NEK7: variants seen among roughly 807,000 people sequenced by gnomAD.
NEK7 encodes the protein serine/threonine-protein kinase Nek7.
NEK7 carries 18 observed loss-of-function variants against 44.6 expected under a neutral mutation model. That is an observed-to-expected ratio of 0.40 (90% CI 0.28 to 0.60). The LOEUF is 0.60. Ranked by LOEUF, NEK7 falls within the 20% of genes least tolerant of loss-of-function variation. The pLI, the probability that NEK7 is intolerant of heterozygous loss-of-function variation, is 0.38. For synonymous variants in NEK7, 130 were observed against 121.1 expected (o/e 1.07, Z -0.48); for missense variants, 256 against 366.5 (o/e 0.70, Z 2.46).
intron 1 of NEK7, among the ~76,000 whole-genome samples, chr1:198,217,195 A>C (rs764480850): frequency 1.3e-5 from 2 of 152,134 alleles, no homozygotes; most frequent in Non-Finnish European, 2.9e-5. Context: ...AGATGCAAAA[A>C]TCCTCAACAG....
In NEK7 at chr1:198,322,393, TATAAAA is replaced by T. The variant is rs1337219136; in HGVS notation, c.*2880_*2885del. The T allele has an allele frequency of 1.3e-5, 2 of 152,124 alleles. No individual in the cohort carries two copies. The highest frequency in any genetic ancestry group is 2.9e-5 in the Non-Finnish European group (2 of 67,996). 9.4% of individuals were successfully genotyped at this position (152,124 alleles called of 1,614,324 possible). A position where few individuals can be genotyped will look rare whatever the true frequency, so the allele number is the denominator to read the frequency against. On this transcript the variant is annotated 3_prime_UTR_variant, in exon 10 of 10. Transcript: ENST00000367385. ...TATAATATCCTAATATAAACAAAAATATAAAAATAAAAATGAATACAGTAAAATGTC... is the reference window on the plus strand; with the variant it reads ...TATAATATCCTAATATAAACAAAAATATAAAAATGAATACAGTAAAATGTC...
chr1:198,192,255 A>AT (rs932897382), intron 1 of NEK7, among the ~76,000 whole-genome samples: 1 of 147,492 alleles, frequency 6.8e-6, no homozygotes, highest in Non-Finnish European at 1.5e-5. Context: ...CTGCTCTGTA[A>AT]TTTTTTATTT....
At chr1:198,255,870 C>G (rs12071075) in intron 3 of NEK7, among the ~76,000 whole-genome samples, 3,639 of 152,174 alleles carry the variant, frequency 0.024, 154 homozygotes, top group African/African-American at 0.083. Flanking sequence ...GCATTTTAGA[C>G]ATATTGATTC....
At chr1:198,298,556 T>C (rs1488012298) in intron 9 of NEK7, among the ~76,000 whole-genome samples, 1 of 152,224 alleles carries the variant, frequency 6.6e-6, no homozygotes, top group Non-Finnish European at 1.5e-5. Context: ...TTAATTACTA[T>C]TTTGGGTATA....
intron 9 of NEK7, among the ~76,000 whole-genome samples, chr1:198,312,994 T>A (rs1655239220): frequency 6.6e-6 from 1 of 151,886 alleles, no homozygotes; most frequent in Non-Finnish European, 1.5e-5. Flanking sequence ...TGGGTATCCT[T>A]GTTGACTTTC....
In NEK7 at chr1:198,160,585, A is replaced by G. The variant is rs147598684; in HGVS notation, c.-29+3309A>G. On this transcript the variant is annotated intron_variant, in intron 1 of 9. Coordinates refer to ENST00000367385, the MANE Select transcript of NEK7 (RefSeq NM_133494.3). ...CATGTATGATTACTGTTTGCTCCGA[A>G]TTGTTTTATCAGCACTTCATCAGGA... Among the ~76,000 whole-genome samples the G allele has an allele frequency of 6.6e-3, 1,007 of 152,250 alleles. 18 individuals are homozygous for G. The highest frequency in any genetic ancestry group is 0.024 in the African/African-American group (979 of 41,522).
At chr1:198,204,436 A>G (rs1665528352) in intron 1 of NEK7, among the ~76,000 whole-genome samples, 3 of 152,214 alleles carry the variant, frequency 2.0e-5, no homozygotes, top group East Asian at 1.9e-4. Flanking sequence ...AATGAAACTC[A>G]GGGCCCGGCG....
chr1:198,262,639 T>G lies in NEK7; in HGVS notation c.261+2T>G. 1 of 1,557,428 alleles carries G rather than the reference T, an allele frequency of 6.4e-7. No homozygotes were observed. The highest frequency in any genetic ancestry group is 8.8e-7 in the Non-Finnish European group (1 of 1,135,806). On this transcript the variant is annotated splice_donor_variant, in intron 4 of 9. Coordinates refer to ENST00000367385, the MANE Select transcript of NEK7 (RefSeq NM_133494.3). LOFTEE classifies it high-confidence loss of function. The stretch of plus-strand genomic sequence containing the variant: ...ATCAAAGAAATAGATCTTCTTAAGG[T>G]AATTAATGAACTGTTGACTCTTTTG...
chr1:198,230,315 A>G (rs544786938), intron 1 of NEK7, among the ~76,000 whole-genome samples: 1 of 152,188 alleles, frequency 6.6e-6, no homozygotes, highest in African/African-American at 2.4e-5. Flanking sequence ...CCAATACTGC[A>G]TAAACATGAT....
At chr1:198,283,799 T>TA (rs370284976) in intron 7 of NEK7, among the ~76,000 whole-genome samples, 5 of 152,164 alleles carry the variant, frequency 3.3e-5, no homozygotes, top group African/African-American at 1.2e-4. Flanking sequence ...TACATTCTGA[T>TA]ATTGTCTGTT....
Position 198,253,093 on chromosome 1 carries a change from A to G in NEK7, c.111A>G (p.Glu37=), listed in dbSNP as rs566391009. Reference sequence around the variant, plus strand: ...ATACATTAGCCAACTTTCGAATAGAAAAGAAAATTGGTCGCGGACAATTTA... The same window carrying G: ...ATACATTAGCCAACTTTCGAATAGAGAAGAAAATTGGTCGCGGACAATTTA... The part of the protein sequence containing the change: ...GYNTLANFRI[E]KKIGRGQFSE... The change falls in exon 3 of 10, where the codon GAA becomes GAG. Residue 37 remains glutamate (E), a synonymous_variant. Coordinates refer to ENST00000367385, the MANE Select transcript of NEK7 (RefSeq NM_133494.3). 2 of 1,612,540 alleles carry G rather than the reference A, an allele frequency of 1.2e-6. No homozygotes were observed. The highest frequency in any genetic ancestry group is 1.1e-5 in the South Asian group (1 of 91,008).
chr1:198,178,066 C>G (rs987071814), intron 1 of NEK7, among the ~76,000 whole-genome samples: 3 of 151,992 alleles, frequency 2.0e-5, no homozygotes, highest in Non-Finnish European at 2.9e-5. Context: ...CTATGTGCTG[C>G]TTTCAAAAGA....
In NEK7 at chr1:198,274,061, C is replaced by T. The variant is rs190723920; in HGVS notation, c.373-3900C>T. On this transcript the variant is annotated intron_variant, in intron 5 of 9. Transcript: ENST00000367385. ...AGTGGCACATTTAAACATTTGACAA[C>T]ACTCCAAGCAGGAAATGCTTCCTTA... 3.6e-4 allele frequency among the ~76,000 whole-genome samples: 55 copies of T among 151,210 alleles called. 1 individual carries two copies. The highest frequency in any genetic ancestry group is 6.8e-3 in the Middle Eastern group (2 of 294).
chr1:198,293,123 T>C, intron 8 of NEK7, 84 bp downstream of exon 8: 1 of 686,686 alleles, frequency 1.5e-6, no homozygotes, highest in Admixed American at 2.7e-5. Flanking sequence ...ACTTACTTTT[T>C]TCTGGATGTT....
At chr1:198,169,017 T>C (rs1407925579) in intron 1 of NEK7, among the ~76,000 whole-genome samples, 2 of 152,236 alleles carry the variant, frequency 1.3e-5, no homozygotes, top group African/African-American at 2.4e-5. Context: ...GATTTCTCTG[T>C]ATTATAAAAT....
At chr1:198,223,520 G>A (rs934434423) in intron 1 of NEK7, among the ~76,000 whole-genome samples, 4 of 152,176 alleles carry the variant, frequency 2.6e-5, no homozygotes, top group African/African-American at 7.2e-5. Context: ...GCAAATCAAA[G>A]TTGTCTCAAG....
At chr1:198,266,122 A>G (rs1296357803) in intron 5 of NEK7, among the ~76,000 whole-genome samples, 1 of 152,084 alleles carries the variant, frequency 6.6e-6, no homozygotes, top group East Asian at 1.9e-4. Flanking sequence ...TCTCAGACAC[A>G]TCACGATTTA....
Position 198,277,512 on chromosome 1 carries a change from TATG to T in NEK7, c.373-446_373-444del, listed in dbSNP as rs532823207. Among the ~76,000 whole-genome samples the T allele has an allele frequency of 5.5e-4, 83 of 152,042 alleles. 2 individuals carry two copies. The East Asian group carries it at 0.014, about 26-fold the overall frequency. On this transcript the variant is annotated intron_variant, in intron 5 of 9. Transcript: ENST00000367385. The stretch of plus-strand genomic sequence containing the variant: ...TTTATTTGTTTAATTTTTAATAAAT[TATG>T]ATATTTCAAATCACCAGGGTGGTTC...
intron 3 of NEK7, among the ~76,000 whole-genome samples, chr1:198,259,711 A>G (rs1653389383): frequency 6.6e-6 from 1 of 152,152 alleles, no homozygotes; most frequent in Admixed American, 6.6e-5. Flanking sequence ...ACATGTTGAT[A>G]TAATAATCCC....
Sources: allele counts gnomAD v4.1 joint callset (sites outside exome capture counted in the v4.1 genomes callset), GRCh38; gene constraint gnomAD v4.1.1; transcripts MANE v1.5; gene names NCBI Gene and HGNC (gene_info 2026-07-23, HGNC 2026-07-21).